Variants in STON1 observed in about 807,000 individuals in gnomAD.
STON1 encodes stonin-1.
In STON1, 79 loss-of-function variants were observed where a neutral mutation model predicts 60.9. The ratio of observed to expected loss-of-function variants is 1.30; its 90% CI spans 1.08 to 1.56. The LOEUF is 1.56. STON1 is among the 40% of genes most tolerant of loss of function. The pLI, the probability that STON1 is intolerant of heterozygous loss-of-function variation, is 0.00. For missense variants in STON1, 1,166 were observed against 858.9 expected, an observed-to-expected ratio of 1.36 and a Z score of -4.47; for synonymous variants, 363 against 306.9, an observed-to-expected ratio of 1.18 and a Z score of -1.91.
chr2:48,588,898 G>C (rs1020343099), intron 2 of STON1, among the ~76,000 whole-genome samples: 8 of 152,094 alleles, frequency 5.3e-5, no homozygotes, highest in African/African-American at 1.9e-4. Flanking sequence ...TGAGGCACTA[G>C]CTCACAGACT....
Position 48,544,726 on chromosome 2 carries a change from C to T in STON1, c.-48+14510C>T, listed in dbSNP as rs186914967. Among the ~76,000 whole-genome samples the T allele has an allele frequency of 3.2e-3, 480 of 150,488 alleles. 4 individuals carry two copies. The highest frequency in any genetic ancestry group is 0.011 in the African/African-American group (447 of 41,420). ...ATGCCTGGCTAGTTTTTGTATTTTTCGTAGAAACAGGGGTTTCACCGTGCT... is the reference window on the plus strand; with the variant it reads ...ATGCCTGGCTAGTTTTTGTATTTTTTGTAGAAACAGGGGTTTCACCGTGCT... On this transcript the variant is annotated intron_variant, in intron 1 of 3. Coordinates refer to ENST00000404752, the MANE Select transcript of STON1 (RefSeq NM_006873.4).
Position 48,582,203 on chromosome 2 carries a change from G to T in STON1, c.1570G>T (p.Asp524Tyr). 6.2e-7 allele frequency: 1 copy of T among 1,614,200 alleles called. No individual in the cohort carries two copies. Among genetic ancestry groups the T allele is most frequent in the Non-Finnish European group, 8.5e-7 (1 of 1,180,044 alleles). Residue 524 changes from aspartate (D) to tyrosine (Y), a missense_variant, in exon 2 of 4, where the codon GAT becomes TAT. Asp to Tyr is a radical substitution (Grantham distance 160, BLOSUM62 -3). Coordinates refer to ENST00000404752, the MANE Select transcript of STON1 (RefSeq NM_006873.4). ...LMRFKTLYNGDNLPFSLKSVV... is the reference protein window; with the variant it reads ...LMRFKTLYNGYNLPFSLKSVV... Reference sequence around the variant, plus strand: ...GCGTTTCAAGACTTTGTATAATGGGGATAATCTTCCCTTTTCCTTGAAGTC... The same window carrying T: ...GCGTTTCAAGACTTTGTATAATGGGTATAATCTTCCCTTTTCCTTGAAGTC...
chr2:48,571,103 G>A (rs1485525803), intron 1 of STON1, among the ~76,000 whole-genome samples: 1 of 152,044 alleles, frequency 6.6e-6, no homozygotes, highest in East Asian at 1.9e-4. Flanking sequence ...TGATCTGCCC[G>A]CCTTGGCCTT....
intron 1 of STON1, among the ~76,000 whole-genome samples, chr2:48,564,558 CTTCTTCTTCTCCTT>C (rs1672828059): frequency 1.9e-5 from 1 of 52,304 alleles, no homozygotes; most frequent in Non-Finnish European, 4.0e-5. Context: ...TCTTCTTCTT[CTTCTTCTTCTCCTT>C]CTCCTTCTCC....
intron 1 of STON1, among the ~76,000 whole-genome samples, chr2:48,545,051 G>C (rs568384339): frequency 6.6e-6 from 1 of 152,278 alleles, no homozygotes; most frequent in East Asian, 1.9e-4. Context: ...GGTTTCAGCA[G>C]AGGGTGCCTA....
chr2:48,554,367 G>A (rs919143269), intron 1 of STON1, among the ~76,000 whole-genome samples: 9 of 152,188 alleles, frequency 5.9e-5, no homozygotes, highest in East Asian at 1.9e-4. Context: ...GATTACAGGC[G>A]TGCACCACCA....
chr2:48,539,958 A>C (rs1450147656), intron 1 of STON1, among the ~76,000 whole-genome samples: 2 of 152,042 alleles, frequency 1.3e-5, no homozygotes, highest in Non-Finnish European at 2.9e-5. Flanking sequence ...TAAGTGCCTC[A>C]CTAACAGCTC....
rs79840153 is a variant in STON1, at chr2:48,553,236, C to T, written c.-48+23020C>T. Among the ~76,000 whole-genome samples, 539 of 152,182 alleles carry T rather than the reference C, an allele frequency of 3.5e-3. 3 individuals are homozygous for T. The highest frequency in any genetic ancestry group is 0.012 in the African/African-American group (503 of 41,506). On this transcript the variant is annotated intron_variant, in intron 1 of 3. Transcript: ENST00000404752. Reference sequence around the variant, plus strand: ...ATGGAAGAGGGGCAAGATGACATTTCAGAAGAGCAGGGTATGAAAGATATT... The same window carrying T: ...ATGGAAGAGGGGCAAGATGACATTTTAGAAGAGCAGGGTATGAAAGATATT...
chr2:48,585,540 T>A (rs947293141), intron 2 of STON1, among the ~76,000 whole-genome samples: 9 of 152,166 alleles, frequency 5.9e-5, no homozygotes, highest in Non-Finnish European at 1.0e-4. Context: ...TGAGCCACCG[T>A]GCCTGGCCCC....
chr2:48,552,776 C>G (rs1672156667), intron 1 of STON1, among the ~76,000 whole-genome samples: 1 of 151,870 alleles, frequency 6.6e-6, no homozygotes, highest in Non-Finnish European at 1.5e-5. Flanking sequence ...TCTCAAAAAA[C>G]AAATAATAAT....
At chr2:48,545,113 G>C (rs1671816426) in intron 1 of STON1, among the ~76,000 whole-genome samples, 1 of 152,062 alleles carries the variant, frequency 6.6e-6, no homozygotes, top group South Asian at 2.1e-4. Context: ...CTGATTTTCA[G>C]AAAAAATTAC....
chr2:48,536,927 G>T (rs1275090255), intron 1 of STON1, among the ~76,000 whole-genome samples: 1 of 152,072 alleles, frequency 6.6e-6, no homozygotes, highest in African/African-American at 2.4e-5. Context: ...TAGTTTACTT[G>T]CTGGCCCATA....
intron 2 of STON1, among the ~76,000 whole-genome samples, chr2:48,590,712 G>A (rs1674466807): frequency 6.7e-6 from 1 of 149,632 alleles, no homozygotes; most frequent in Non-Finnish European, 1.5e-5. Context: ...CTCTGGGTCT[G>A]GCACTGAACC....
intron 2 of STON1, among the ~76,000 whole-genome samples, chr2:48,590,249 A>T (rs1452609460): frequency 1.3e-5 from 2 of 152,220 alleles, no homozygotes; most frequent in Non-Finnish European, 2.9e-5. Flanking sequence ...CCTTCCTGTA[A>T]GTGGTAGAGA....
chr2:48,561,850 C>T (rs1185175608), intron 1 of STON1, among the ~76,000 whole-genome samples: 1 of 151,950 alleles, frequency 6.6e-6, no homozygotes, highest in African/African-American at 2.4e-5. Context: ...GTATGAAGTT[C>T]CCACATTACT....
chr2:48,570,828 C>G (rs1673162967), intron 1 of STON1, among the ~76,000 whole-genome samples: 1 of 143,000 alleles, frequency 7.0e-6, no homozygotes, highest in Non-Finnish European at 1.5e-5. Flanking sequence ...ATCTTGATGT[C>G]TCAACTGTCT....
intron 1 of STON1, among the ~76,000 whole-genome samples, chr2:48,572,832 T>A (rs1417484947): frequency 1.3e-5 from 2 of 152,204 alleles, no homozygotes; most frequent in Non-Finnish European, 2.9e-5. Context: ...CCTGTGAGCC[T>A]CCTCGTGGGT....
intron 1 of STON1, among the ~76,000 whole-genome samples, chr2:48,558,663 T>C (rs1185631315): frequency 1.3e-5 from 2 of 152,084 alleles, no homozygotes; most frequent in South Asian, 2.1e-4. Context: ...ATAACTCAAA[T>C]CAACAGAAAC....
At position 48,580,921 on chromosome 2, in the gene STON1, A is replaced by G. The variant is rs1210228413; in HGVS notation, c.288A>G (p.Lys96=). The change falls in exon 2 of 4, where the codon AAA becomes AAG. Residue 96 remains lysine (K), a synonymous_variant. Transcript: ENST00000404752. ...KDFPGFPGIP[K]AGTHVLYPIP... is the part of the protein sequence containing the mutation. ...TCCCAGGTTTTCCTGGCATCCCCAA[A>G]GCAGGGACTCATGTGCTTTATCCTA... is the stretch of plus-strand genomic sequence containing the variant. 1.3e-6 allele frequency: 2 copies of G among 1,600,002 alleles called. No individual in the cohort carries two copies. The highest frequency in any genetic ancestry group is 1.7e-6 in the Non-Finnish European group (2 of 1,174,448).
Sources: allele counts gnomAD v4.1 joint callset (sites outside exome capture counted in the v4.1 genomes callset), GRCh38; gene constraint gnomAD v4.1.1; transcripts MANE v1.5; gene names NCBI Gene and HGNC (gene_info 2026-07-23, HGNC 2026-07-21).